Variants in STX8 observed in about 807,000 individuals in gnomAD.
STX8 encodes syntaxin 8, also known as syntaxin-8.
In STX8, 23 loss-of-function variants were observed where a neutral mutation model predicts 37.5. The observed-to-expected ratio is 0.61, with a 90% CI of 0.44 to 0.87. The LOEUF is 0.87. STX8 is among the 40% of genes least tolerant of loss of function. The pLI, the probability that STX8 is intolerant of heterozygous loss-of-function variation, is 0.00. For synonymous variants in STX8, 115 were observed against 99.1 expected (o/e 1.16, Z -0.95); for missense variants, 313 against 284.7 (o/e 1.10, Z -0.71).
intron 7 of STX8, among the ~76,000 whole-genome samples, chr17:9,316,542 C>A (rs758399245): frequency 6.6e-6 from 1 of 152,174 alleles, no homozygotes; most frequent in East Asian, 1.9e-4. Context: ...AGGCTGCTGA[C>A]CATGTGGCGG....
intron 7 of STX8, among the ~76,000 whole-genome samples, chr17:9,369,278 C>T (rs903281901): frequency 3.3e-5 from 5 of 152,154 alleles, no homozygotes; most frequent in South Asian, 4.1e-4. Context: ...GATGACACAG[C>T]GGGTACAGAG....
chr17:9,373,807 C>T (rs1175624278), intron 7 of STX8, among the ~76,000 whole-genome samples: 4 of 151,682 alleles, frequency 2.6e-5, no homozygotes, highest in Admixed American at 6.6e-5. Context: ...GATGTGGTGG[C>T]GCATGCCTGT....
chr17:9,385,411 A>G (rs1475444742), intron 6 of STX8, among the ~76,000 whole-genome samples: 1 of 152,224 alleles, frequency 6.6e-6, no homozygotes, highest in Non-Finnish European at 1.5e-5. Context: ...TTTGTAGAAC[A>G]TATATCTGAC....
At chr17:9,524,573 G>A (rs1179754736) in intron 4 of STX8, among the ~76,000 whole-genome samples, 1 of 152,078 alleles carries the variant, frequency 6.6e-6, no homozygotes, top group Non-Finnish European at 1.5e-5. Context: ...TGAATCTTGG[G>A]AGGACACTAC....
intron 4 of STX8, among the ~76,000 whole-genome samples, chr17:9,518,220 A>C (rs1219307078): frequency 6.6e-6 from 1 of 152,044 alleles, no homozygotes; most frequent in African/African-American, 2.4e-5. Context: ...ACCCACTGCA[A>C]GCCAACTTCT....
chr17:9,298,657 C>A (rs559419067), intron 7 of STX8, among the ~76,000 whole-genome samples: 69 of 152,144 alleles, frequency 4.5e-4, no homozygotes, highest in African/African-American at 1.5e-3. Flanking sequence ...ACTAAAAATA[C>A]AAAAATTAGC....
At chr17:9,355,500 AT>A (rs35363770) in intron 7 of STX8, among the ~76,000 whole-genome samples, 19,498 of 124,014 alleles carry the variant, frequency 0.16, 1,364 homozygotes, top group Middle Eastern at 0.3. Context: ...ACACCTAGCA[AT>A]TTTTTTTTTT....
chr17:9,562,268 T>C (rs1384717588), intron 2 of STX8, among the ~76,000 whole-genome samples: 1 of 151,736 alleles, frequency 6.6e-6, no homozygotes, highest in Non-Finnish European at 1.5e-5. Context: ...TAGCCGGGCA[T>C]GGTGGCGGGC....
intron 6 of STX8, among the ~76,000 whole-genome samples, chr17:9,411,842 A>T (rs1426601945): frequency 6.6e-6 from 1 of 152,172 alleles, no homozygotes. Context: ...AAGCAACCTA[A>T]TATATAGAAC....
At chr17:9,362,963 G>C (rs1200372252) in intron 7 of STX8, among the ~76,000 whole-genome samples, 1 of 151,964 alleles carries the variant, frequency 6.6e-6, no homozygotes, top group Non-Finnish European at 1.5e-5. Context: ...CTCTATTCAG[G>C]TATGATTTAA....
intron 7 of STX8, among the ~76,000 whole-genome samples, chr17:9,295,787 G>C (rs1016688530): frequency 8.1e-6 from 1 of 123,654 alleles, no homozygotes; most frequent in Non-Finnish European, 2.0e-5. Context: ...GCTCATGCCT[G>C]TAATCCCAGC....
chr17:9,413,809 C>A (rs77232751), intron 6 of STX8, among the ~76,000 whole-genome samples: 8,413 of 152,176 alleles, frequency 0.055, 732 homozygotes, highest in African/African-American at 0.18. Flanking sequence ...CTCGTGTATA[C>A]CTCAACGGAA....
chr17:9,308,743 A>G (rs1909090397), intron 7 of STX8, among the ~76,000 whole-genome samples: 1 of 151,156 alleles, frequency 6.6e-6, no homozygotes, highest in African/African-American at 2.4e-5. Flanking sequence ...AAAAAAAAAA[A>G]AGGAATTCTA....
chr17:9,378,785 G>A (rs895524161), intron 6 of STX8, 132 bp from the exon 7 acceptor site: 21 of 638,028 alleles, frequency 3.3e-5, no homozygotes, highest in Middle Eastern at 2.9e-4. Context: ...AACTCATGTC[G>A]ATTCTTTGAA....
At chr17:9,298,991 A>G (rs1252849115) in intron 7 of STX8, among the ~76,000 whole-genome samples, 1 of 152,052 alleles carries the variant, frequency 6.6e-6, no homozygotes, top group African/African-American at 2.4e-5. Flanking sequence ...AGCCAGATGC[A>G]CTCACCTTCC....
intron 6 of STX8, among the ~76,000 whole-genome samples, chr17:9,381,429 C>T (rs1016422296): frequency 3.3e-5 from 5 of 151,990 alleles, no homozygotes; most frequent in African/African-American, 1.2e-4. Context: ...GGTGAAAAAG[C>T]AGGAAAAAGG....
intron 5 of STX8, among the ~76,000 whole-genome samples, chr17:9,494,103 C>T (rs1906982529): frequency 6.6e-6 from 1 of 151,714 alleles, no homozygotes; most frequent in Admixed American, 6.6e-5. Flanking sequence ...GCAAGCTCCA[C>T]CTCCCGGGTT....
At chr17:9,420,609 G>A (rs1376899623) in intron 6 of STX8, among the ~76,000 whole-genome samples, 2 of 152,082 alleles carry the variant, frequency 1.3e-5, no homozygotes, top group African/African-American at 4.8e-5. Flanking sequence ...TGCTTACTAA[G>A]CTTCCTTCTT....
chr17:9,573,822 T>C (rs1484811483), intron 1 of STX8, among the ~76,000 whole-genome samples: 4 of 152,062 alleles, frequency 2.6e-5, no homozygotes, highest in East Asian at 1.9e-4. Context: ...ACAGTTCTAA[T>C]TCCTACTTCT....
Sources: gnomAD v4.1 joint callset for allele counts (sites outside exome capture counted in the v4.1 genomes callset) on GRCh38, gnomAD v4.1.1 for gene constraint, MANE v1.5 for transcripts, NCBI Gene and HGNC (gene_info 2026-07-23, HGNC 2026-07-21) for gene names.